Variants in ADAM18 observed in about 807,000 individuals in gnomAD.
ADAM18 encodes disintegrin and metalloproteinase domain-containing protein 18.
Under a neutral mutation model 94.4 loss-of-function variants are expected in ADAM18, and 117 were observed. The observed-to-expected ratio is 1.24, with a 90% CI of 1.07 to 1.45. ADAM18 has a LOEUF of 1.45. ADAM18 is among the 40% of genes most tolerant of loss of function. The pLI, the probability that ADAM18 is intolerant of heterozygous loss-of-function variation, is 0.00. For synonymous variants in ADAM18, 327 were observed against 291.6 expected (o/e 1.12, Z -1.24); for missense variants, 936 against 880.0 (o/e 1.06, Z -0.81).
rs115319788 is a variant in ADAM18 at position 39,654,064 on chromosome 8, T to C, written c.1230+5537T>C. On this transcript the variant is annotated intron_variant, in intron 12 of 19. Coordinates refer to ENST00000265707, the MANE Select transcript of ADAM18 (RefSeq NM_014237.3). ...GCTTCCACACATGATTGAGAACATG[T>C]GATATTTGCCTTCTTGTGTCTGACT... Among the ~76,000 whole-genome samples, 905 of 150,226 alleles carry C rather than the reference T, an allele frequency of 6.0e-3. 6 individuals carry two copies. The highest frequency in any genetic ancestry group is 0.022 in the African/African-American group (859 of 39,660).
chr8:39,707,827 G>A (rs924986158), intron 18 of ADAM18, among the ~76,000 whole-genome samples: 2 of 151,884 alleles, frequency 1.3e-5, no homozygotes, highest in African/African-American at 2.4e-5. Context: ...TTTTCCTTAT[G>A]AAGTCAAGAG....
chr8:39,594,930 A>G (rs1001090961), intron 2 of ADAM18, among the ~76,000 whole-genome samples: 3 of 150,618 alleles, frequency 2.0e-5, no homozygotes, highest in Admixed American at 6.6e-5. Flanking sequence ...TACCTTTTCA[A>G]CTGTAGCCTC....
intron 16 of ADAM18, among the ~76,000 whole-genome samples, chr8:39,683,989 T>A (rs1352175353): frequency 2.0e-5 from 3 of 151,952 alleles, no homozygotes; most frequent in Non-Finnish European, 2.9e-5. Context: ...AATATTATTT[T>A]AAAAAATTAG....
chr8:39,674,603 G>A (rs1489590464), intron 14 of ADAM18, among the ~76,000 whole-genome samples: 1 of 151,966 alleles, frequency 6.6e-6, no homozygotes, highest in Non-Finnish European at 1.5e-5. Flanking sequence ...TTTTAACTGG[G>A]GGCATTTAGC....
At chr8:39,721,276 G>T (rs1418605275) in intron 18 of ADAM18, among the ~76,000 whole-genome samples, 2 of 151,346 alleles carry the variant, frequency 1.3e-5, no homozygotes, top group Non-Finnish European at 3.0e-5. Flanking sequence ...CTCAAGACAG[G>T]TTAACAACTT....
intron 16 of ADAM18, chr8:39,685,551 G>A (rs1225491876): frequency 6.6e-6 from 1 of 152,218 alleles, no homozygotes; most frequent in African/African-American, 2.4e-5. Flanking sequence ...TTCTTCCATT[G>A]AGTTGGGGAA....
chr8:39,723,824 GT>G lies in ADAM18; in HGVS notation c.2099del (p.Phe700SerfsTer2), dbSNP rs770459902. On this transcript the variant is annotated frameshift_variant, in exon 19 of 20. Transcript: ENST00000265707. LOFTEE classifies it high-confidence loss of function. ...TTCTGAGTTTCTGCATTTTTCTGCCGTTTTTCATAGTTTTCACCACTGTGAT... is the reference window on the plus strand; with the variant it reads ...TTCTGAGTTTCTGCATTTTTCTGCCGTTTTCATAGTTTTCACCACTGTGAT... ...FILSFCIFLP[F>X]FIVFTTVIFK... is the part of the protein sequence containing the mutation. 323 of 1,584,130 alleles carry G rather than the reference GT, an allele frequency of 2.0e-4. 1 individual carries two copies. Among genetic ancestry groups the G allele is most frequent in the Admixed American group, 2.8e-4 (16 of 56,312 alleles).
chr8:39,615,355 T>C (rs1819406248), intron 6 of ADAM18, among the ~76,000 whole-genome samples: 1 of 152,062 alleles, frequency 6.6e-6, no homozygotes, highest in Non-Finnish European at 1.5e-5. Context: ...TGAATGACTT[T>C]TGGATAAATG....
At chr8:39,616,216 C>T (rs528727282) in intron 6 of ADAM18, among the ~76,000 whole-genome samples, 2 of 151,980 alleles carry the variant, frequency 1.3e-5, no homozygotes, top group African/African-American at 4.8e-5. Context: ...CCAGCCTGGC[C>T]AACATGGTGA....
Position 39,723,799 on chromosome 8 carries a change from T to A in ADAM18, c.2069T>A (p.Ile690Asn). Reference sequence around the variant, plus strand: ...AATACACACTGGAACAACTGGTTTATTCTGAGTTTCTGCATTTTTCTGCCG... The same window carrying A: ...AATACACACTGGAACAACTGGTTTAATCTGAGTTTCTGCATTTTTCTGCCG... ...GYNTHWNNWF[I>N]LSFCIFLPFF... Residue 690 changes from isoleucine to asparagine, a missense_variant, in exon 19 of 20, where the codon ATT becomes AAT. By Grantham distance (149) the Ile-to-Asn change is moderately radical (BLOSUM62 -3). Transcript: ENST00000265707. 6.3e-7 allele frequency: 1 copy of A among 1,588,400 alleles called. No homozygotes were observed. Among genetic ancestry groups the A allele is most frequent in the Non-Finnish European group, 8.6e-7 (1 of 1,167,644 alleles).
chr8:39,698,460 G>T (rs1245379629), intron 17 of ADAM18, among the ~76,000 whole-genome samples: 2 of 151,592 alleles, frequency 1.3e-5, no homozygotes, highest in Admixed American at 6.6e-5. Flanking sequence ...ATCTTTTATT[G>T]TATTGACACC....
At chr8:39,594,492 A>C (rs561151526) in intron 2 of ADAM18, among the ~76,000 whole-genome samples, 105 of 151,958 alleles carry the variant, frequency 6.9e-4, no homozygotes, top group South Asian at 5.0e-3. Flanking sequence ...TCGTTTTCTT[A>C]GTGTAGGTTT....
intron 6 of ADAM18, among the ~76,000 whole-genome samples, chr8:39,613,197 C>T (rs1380581213): frequency 6.6e-6 from 1 of 152,196 alleles, no homozygotes; most frequent in Non-Finnish European, 1.5e-5. Flanking sequence ...GCTGCCATCA[C>T]CCTGACAGAG....
chr8:39,692,707 A>G (rs1305020707), intron 17 of ADAM18, 27 bp downstream of exon 17: 7 of 1,535,692 alleles, frequency 4.6e-6, no homozygotes, highest in Admixed American at 1.7e-5. Context: ...TCTGAATTGC[A>G]TGTTATTCTT....
chr8:39,627,708 T>G (rs111809189), intron 6 of ADAM18, among the ~76,000 whole-genome samples: 1 of 152,076 alleles, frequency 6.6e-6, no homozygotes, highest in Admixed American at 6.6e-5. Context: ...TTTAGACCAT[T>G]TATATTCAAC....
intron 15 of ADAM18, among the ~76,000 whole-genome samples, chr8:39,677,914 A>G (rs1821342550): frequency 6.6e-6 from 1 of 152,160 alleles, no homozygotes. Flanking sequence ...GAAGAAAGCT[A>G]TTTTTGTTTT....
intron 6 of ADAM18, among the ~76,000 whole-genome samples, chr8:39,627,462 A>C (rs1046522682): frequency 2.6e-5 from 4 of 152,152 alleles, no homozygotes; most frequent in Non-Finnish European, 5.9e-5. Context: ...ACACAGTCAA[A>C]CCATATCAAC....
At chr8:39,593,307 T>C (rs1818633446) in intron 2 of ADAM18, among the ~76,000 whole-genome samples, 1 of 152,158 alleles carries the variant, frequency 6.6e-6, no homozygotes, top group African/African-American at 2.4e-5. Context: ...GTTGCTAAAA[T>C]GTCCATACTA....
At chr8:39,704,678 T>G (rs1300138395) in intron 17 of ADAM18, among the ~76,000 whole-genome samples, 1 of 152,172 alleles carries the variant, frequency 6.6e-6, no homozygotes, top group African/African-American at 2.4e-5. Context: ...CCAGCTTAAA[T>G]AAAACCTATT....
Sources: gnomAD v4.1 joint callset for allele counts (sites outside exome capture counted in the v4.1 genomes callset) on GRCh38, gnomAD v4.1.1 for gene constraint, MANE v1.5 for transcripts, NCBI Gene and HGNC (gene_info 2026-07-23, HGNC 2026-07-21) for gene names.